Variants in CTNNA2 observed in about 807,000 individuals in gnomAD.
The protein encoded by CTNNA2 is catenin alpha-2.
Under a neutral mutation model 101.0 loss-of-function variants are expected in CTNNA2, and 42 were observed. The observed-to-expected ratio is 0.42, with a 90% confidence interval of 0.32 to 0.54. The LOEUF is 0.54. Among genes scored for constraint, CTNNA2 ranks in the 20% least tolerant of loss-of-function variants. The pLI is 0.14. For synonymous variants in CTNNA2, 450 were observed against 456.4 expected (o/e 0.99, Z 0.18); for missense variants, 871 against 1,223.1 (o/e 0.71, Z 4.29).
At chr2:80,134,726 C>T (rs1047184007) in intron 7 of CTNNA2, among the ~76,000 whole-genome samples, 7 of 152,128 alleles carry the variant, frequency 4.6e-5, no homozygotes, top group South Asian at 2.1e-4. Context: ...GCTTCAAAGC[C>T]GTTATTGTGT....
At chr2:79,754,603 G>A (rs919103723) in intron 3 of CTNNA2, among the ~76,000 whole-genome samples, 2 of 152,104 alleles carry the variant, frequency 1.3e-5, no homozygotes, top group Admixed American at 6.5e-5. Flanking sequence ...CAAGAGTTGC[G>A]GGAGGTGGGC....
chr2:79,512,564 T>TC (rs1276167161), upstream of CTNNA2, among the ~76,000 whole-genome samples: 1 of 141,014 alleles, frequency 7.1e-6, no homozygotes, highest in African/African-American at 2.7e-5. Flanking sequence ...GACACCCCTA[T>TC]CCCCCCCGCC....
chr2:80,123,982 T>G (rs1398882437), intron 7 of CTNNA2, among the ~76,000 whole-genome samples: 1 of 152,162 alleles, frequency 6.6e-6, no homozygotes, highest in African/African-American at 2.4e-5. Context: ...GCAGGGGCTG[T>G]GATCCTCCTG....
chr2:80,454,458 A>C lies in CTNNA2; in HGVS notation c.1290+34857A>C, dbSNP rs554636520. Among the ~76,000 whole-genome samples, 348 of 152,330 alleles carry C rather than the reference A, an allele frequency of 2.3e-3. 3 individuals carry two copies. The highest frequency in any genetic ancestry group is 7.9e-3 in the African/African-American group (329 of 41,582). On this transcript the variant is annotated intron_variant, in intron 9 of 18. Transcript: ENST00000402739. ...TGTAGAACAGGGAAAACTGTAGTCC[A>C]TCCCCAAAGAGACAATATGTGCCTG... is the stretch of plus-strand genomic sequence containing the variant.
chr2:79,703,817 C>T (rs1257795442), intron 2 of CTNNA2, among the ~76,000 whole-genome samples: 1 of 152,124 alleles, frequency 6.6e-6, no homozygotes, highest in East Asian at 1.9e-4. Context: ...TTTTAACATG[C>T]AGTCCAGAAA....
chr2:80,346,237 T>C (rs1229166112), intron 7 of CTNNA2, among the ~76,000 whole-genome samples: 2 of 151,956 alleles, frequency 1.3e-5, no homozygotes, highest in Non-Finnish European at 2.9e-5. Flanking sequence ...AGAAAAGAGG[T>C]TTAATTGGAT....
chr2:79,656,210 A>C (rs1681605519), intron 2 of CTNNA2, among the ~76,000 whole-genome samples: 1 of 152,180 alleles, frequency 6.6e-6, no homozygotes, highest in Non-Finnish European at 1.5e-5. Flanking sequence ...TTAAACCTTC[A>C]TGATAGGACT....
chr2:80,397,938 A>T (rs1678179942), intron 8 of CTNNA2, among the ~76,000 whole-genome samples: 1 of 152,192 alleles, frequency 6.6e-6, no homozygotes, highest in African/African-American at 2.4e-5. Context: ...GTTCACATAA[A>T]TACGTAGAAG....
intron 7 of CTNNA2, among the ~76,000 whole-genome samples, chr2:80,031,985 A>G (rs1695321533): frequency 6.6e-6 from 1 of 152,256 alleles, no homozygotes; most frequent in Non-Finnish European, 1.5e-5. Context: ...TCTGTTTTGA[A>G]GGTGACTGTG....
At chr2:80,258,756 C>A (rs572631267) in intron 7 of CTNNA2, among the ~76,000 whole-genome samples, 2 of 152,222 alleles carry the variant, frequency 1.3e-5, no homozygotes, top group Non-Finnish European at 2.9e-5. Flanking sequence ...TTAGACACAA[C>A]CCTGGTCGGA....
chr2:79,392,883 C>T (rs1187759762), intron 4 of CTNNA2, among the ~76,000 whole-genome samples: 1 of 152,152 alleles, frequency 6.6e-6, no homozygotes, highest in Non-Finnish European at 1.5e-5. Context: ...AAATGAATAG[C>T]TTTTAGTTAA....
intron 9 of CTNNA2, among the ~76,000 whole-genome samples, chr2:80,523,307 CG>C (rs1689734284): frequency 6.6e-6 from 1 of 151,910 alleles, no homozygotes; most frequent in Non-Finnish European, 1.5e-5. Flanking sequence ...AATATGAAGT[CG>C]GTCCCGGTGC....
chr2:80,036,728 A>T (rs1191020353), intron 7 of CTNNA2, among the ~76,000 whole-genome samples: 2 of 152,098 alleles, frequency 1.3e-5, no homozygotes, highest in Admixed American at 6.6e-5. Context: ...GTGGGTGGGG[A>T]AGCCAAGCAC....
At chr2:80,317,611 C>G (rs1176194773) in intron 7 of CTNNA2, among the ~76,000 whole-genome samples, 1 of 152,154 alleles carries the variant, frequency 6.6e-6, no homozygotes, top group African/African-American at 2.4e-5. Flanking sequence ...TGGGGCAATT[C>G]AAACTTTCCT....
intron 17 of CTNNA2, among the ~76,000 whole-genome samples, chr2:80,610,312 A>T (rs1472494572): frequency 6.6e-6 from 1 of 151,656 alleles, no homozygotes; most frequent in African/African-American, 2.4e-5. Context: ...CTTACTGTGC[A>T]AAATAGCCAC....
intron 3 of CTNNA2, among the ~76,000 whole-genome samples, chr2:79,771,392 A>G (rs1449160842): frequency 6.6e-6 from 1 of 152,184 alleles, no homozygotes; most frequent in Non-Finnish European, 1.5e-5. Flanking sequence ...TGGTTTTAGT[A>G]TGATTCAAGC....
In CTNNA2 at chr2:80,137,016, C is replaced by G. The variant is rs144835813; in HGVS notation, c.1056+227219C>G. ...AAGATCTTCTTTCCTGATCAGCCATCAGTGATGTGCTCCAAGCACAGGAAG... is the reference window on the plus strand; with the variant it reads ...AAGATCTTCTTTCCTGATCAGCCATGAGTGATGTGCTCCAAGCACAGGAAG... On this transcript the variant is annotated intron_variant, in intron 7 of 18. Transcript: ENST00000402739. Among the ~76,000 whole-genome samples the G allele has an allele frequency of 3.4e-3, 523 of 152,256 alleles. 2 individuals are homozygous for G. Among genetic ancestry groups the G allele is most frequent in the African/African-American group, 0.011 (471 of 41,570 alleles).
chr2:79,308,301 C>A (rs1442480428), intron 2 of CTNNA2, among the ~76,000 whole-genome samples: 2 of 152,170 alleles, frequency 1.3e-5, no homozygotes, highest in African/African-American at 4.8e-5. Flanking sequence ...CCACCTCAGC[C>A]CCCCAAATTT....
intron 2 of CTNNA2, among the ~76,000 whole-genome samples, chr2:79,253,501 G>T (rs1312622926): frequency 1.3e-5 from 2 of 152,148 alleles, no homozygotes; most frequent in East Asian, 3.9e-4. Context: ...ATTACAATTT[G>T]GTGAGCTTTC....
Sources: allele counts gnomAD v4.1 joint callset (sites outside exome capture counted in the v4.1 genomes callset), GRCh38; gene constraint gnomAD v4.1.1; transcripts MANE v1.5; gene names NCBI Gene and HGNC (gene_info 2026-07-23, HGNC 2026-07-21).